ABCD2: variants seen among roughly 807,000 people sequenced by gnomAD.
ABCD2 encodes ATP-binding cassette sub-family D member 2.
A neutral mutation model predicts 70.9 loss-of-function variants in ABCD2; 36 were observed. The observed-to-expected ratio is 0.51, with a 90% CI of 0.39 to 0.67. ABCD2 has a LOEUF of 0.67. ABCD2 is among the 30% of genes least tolerant of loss of function. ABCD2 has a pLI of 0.00. For missense variants in ABCD2, 729 were observed against 890.2 expected, an observed-to-expected ratio of 0.82 and a Z score of 2.30; for synonymous variants, 304 against 306.9, an observed-to-expected ratio of 0.99 and a Z score of 0.10.
rs1232802588 is a variant in ABCD2 at position 39,551,306 on chromosome 12, C to T, written c.*2606G>A. ...ATAAACTTATAGCTTTTTGTTTGACCAAAAATATGTCAAACGTTTGGGCAA... is the reference window on the plus strand; with the variant it reads ...ATAAACTTATAGCTTTTTGTTTGACTAAAAATATGTCAAACGTTTGGGCAA... On this transcript the variant is annotated 3_prime_UTR_variant, in exon 10 of 10. Transcript: ENST00000308666. The T allele has an allele frequency of 2.0e-5, 3 of 151,488 alleles. No individual in the cohort carries two copies. The East Asian group carries it at 5.8e-4, about 29-fold the overall frequency. The allele number at this position is 151,488 out of a possible 1,614,324, so 9.4% of individuals were successfully genotyped here.
Position 39,619,627 on chromosome 12 carries a change from C to T in ABCD2, c.-12G>A, listed in dbSNP as rs545896129. The T allele has an allele frequency of 4.4e-6, 7 of 1,591,612 alleles. No individual in the cohort carries two copies. The East Asian group carries it at 1.3e-4, about 31-fold the overall frequency. On this transcript the variant is annotated 5_prime_UTR_variant, in exon 1 of 10. Transcript: ENST00000308666. ...AGCATATGTGTCATTTTCCCAGTTA[C>T]CCAAACCGGCTTCCAAAAGAATTCG...
intron 9 of ABCD2, among the ~76,000 whole-genome samples, chr12:39,572,255 A>C (rs2120589271): frequency 6.6e-6 from 1 of 152,308 alleles, no homozygotes; most frequent in South Asian, 2.1e-4. Flanking sequence ...CTCCAAGCCT[A>C]ATATGTCCCA....
chr12:39,532,087 G>C, the ABCD2 span, among the ~76,000 whole-genome samples: 1 of 152,206 alleles, frequency 6.6e-6, no homozygotes, highest in African/African-American at 2.4e-5. Flanking sequence ...TAGAAAGAAG[G>C]CATCAAAATG....
chr12:39,591,895 A>G (rs1941751464), intron 6 of ABCD2, among the ~76,000 whole-genome samples: 1 of 152,190 alleles, frequency 6.6e-6, no homozygotes, highest in Non-Finnish European at 1.5e-5. Flanking sequence ...AATAGTACTC[A>G]TAAAATGAGA....
In ABCD2 at chr12:39,552,119, G is replaced by A. The variant is rs1341808907; in HGVS notation, c.*1793C>T. On this transcript the variant is annotated 3_prime_UTR_variant, in exon 10 of 10. Coordinates refer to ENST00000308666, the MANE Select transcript of ABCD2 (RefSeq NM_005164.4). Reference sequence around the variant, plus strand: ...ATATTAGTAACTGATGAATAAGTAGGTGATAATACTAATGAAAACGTTGGA... The same window carrying A: ...ATATTAGTAACTGATGAATAAGTAGATGATAATACTAATGAAAACGTTGGA... 6.6e-6 allele frequency: 1 copy of A among 151,814 alleles called. No individual in the cohort carries two copies. Among genetic ancestry groups the A allele is most frequent in the East Asian group, 1.9e-4 (1 of 5,194 alleles). The allele number at this position is 151,814 out of a possible 1,614,324, so 9.4% of individuals were successfully genotyped here. A position where few individuals can be genotyped will look rare whatever the true frequency, so the allele number is the denominator to read the frequency against.
rs1247945421 is a variant in ABCD2, at chr12:39,552,496, T to C, written c.*1416A>G. 1 of 151,958 alleles carries C rather than the reference T, an allele frequency of 6.6e-6. No individual in the cohort carries two copies. The highest frequency in any genetic ancestry group is 1.5e-5 in the Non-Finnish European group (1 of 67,842). 9.4% of individuals were successfully genotyped at this position (151,958 alleles called of 1,614,324 possible). A position where few individuals can be genotyped will look rare whatever the true frequency, so the allele number is the denominator to read the frequency against. On this transcript the variant is annotated 3_prime_UTR_variant, in exon 10 of 10. Transcript: ENST00000308666. ...CAGTGCACACAAATAGAATAAAATCTATTTCATATGACTAGTCCATATAGA... is the reference window on the plus strand; with the variant it reads ...CAGTGCACACAAATAGAATAAAATCCATTTCATATGACTAGTCCATATAGA...
chr12:39,540,814 C>T, the ABCD2 span, among the ~76,000 whole-genome samples: 1 of 152,148 alleles, frequency 6.6e-6, no homozygotes, highest in Admixed American at 6.5e-5. Flanking sequence ...TTGAATTGTC[C>T]CACCTTTCTG....
At chr12:39,567,286 G>A (rs1440815727) in intron 9 of ABCD2, among the ~76,000 whole-genome samples, 1 of 152,080 alleles carries the variant, frequency 6.6e-6, no homozygotes, top group African/African-American at 2.4e-5. Context: ...CTAGGTCTCT[G>A]AGGACTTGCT....
downstream of ABCD2, among the ~76,000 whole-genome samples, chr12:39,545,517 G>A (rs146232120): frequency 6.9e-3 from 1,051 of 152,202 alleles, 7 homozygotes; most frequent in South Asian, 0.025. Flanking sequence ...ACAGAGGCAG[G>A]ACCCCACCAA....
At chr12:39,548,461 C>G (rs780402159), downstream of ABCD2, among the ~76,000 whole-genome samples, 1 of 151,966 alleles carries the variant, frequency 6.6e-6, no homozygotes, top group Non-Finnish European at 1.5e-5. Flanking sequence ...AAACAATGAG[C>G]TAGCCTAAAA....
At chr12:39,557,321 C>G (rs1055455983) in intron 9 of ABCD2, among the ~76,000 whole-genome samples, 2 of 152,142 alleles carry the variant, frequency 1.3e-5, no homozygotes, top group Non-Finnish European at 2.9e-5. Context: ...GAAGAAATTT[C>G]TAAGCAGCAA....
the ABCD2 span, among the ~76,000 whole-genome samples, chr12:39,538,786 C>A: frequency 6.6e-6 from 1 of 152,134 alleles, no homozygotes; most frequent in Non-Finnish European, 1.5e-5. Context: ...GGAAGAGAGC[C>A]GGCGGGAAGA....
At chr12:39,549,593 A>G (rs1354768697), downstream of ABCD2, among the ~76,000 whole-genome samples, 1 of 151,936 alleles carries the variant, frequency 6.6e-6, no homozygotes, top group Non-Finnish European at 1.5e-5. Flanking sequence ...ATAATTTAAA[A>G]TAAAAAAAAT....
rs1455892277 is a variant in ABCD2, at chr12:39,550,123, G to A, written c.*3789C>T. On this transcript the variant is annotated 3_prime_UTR_variant, in exon 10 of 10. Transcript: ENST00000308666. Reference sequence around the variant, plus strand: ...TTATTAAATGTGTTGTATTAATAAAGAAAATTAATATTTAAATAACTATTT... The same window carrying A: ...TTATTAAATGTGTTGTATTAATAAAAAAAATTAATATTTAAATAACTATTT... 2 of 151,582 alleles carry A rather than the reference G, an allele frequency of 1.3e-5. No homozygotes were observed. Among genetic ancestry groups the A allele is most frequent in the Non-Finnish European group, 3.0e-5 (2 of 67,676 alleles). The allele number at this position is 151,582 out of a possible 1,614,324, so 9.4% of individuals were successfully genotyped here. A position where few individuals can be genotyped will look rare whatever the true frequency, so the allele number is the denominator to read the frequency against.
Position 39,617,061 on chromosome 12 carries a change from C to T in ABCD2, c.1047G>A (p.Lys349=), listed in dbSNP as rs61736446. The change falls in exon 2 of 10, where the codon AAG becomes AAA. Residue 349 remains lysine (K), a synonymous_variant. Transcript: ENST00000308666. ...TTAGTCCACTGCTGCTCCAAACATA[C>T]TTCATCAGGAACTGTTCTATCATGA... ...WYIMIEQFLM[K]YVWSSSGLIM... 75,266 of 1,611,786 alleles carry T rather than the reference C, an allele frequency of 0.047. 2,035 individuals are homozygous for T. The highest frequency in any genetic ancestry group is 0.053 in the Non-Finnish European group (62,612 of 1,178,686).
intron 2 of ABCD2, among the ~76,000 whole-genome samples, chr12:39,612,856 A>G (rs1304727986): frequency 1.3e-5 from 2 of 152,184 alleles, no homozygotes; most frequent in African/African-American, 2.4e-5. Flanking sequence ...AGCATCACCC[A>G]TGCTACTGGA....
intron 9 of ABCD2, among the ~76,000 whole-genome samples, chr12:39,569,353 C>T (rs772382864): frequency 5.9e-5 from 9 of 152,206 alleles, no homozygotes; most frequent in South Asian, 2.1e-4. Context: ...GCCTTGCTGC[C>T]GTCTTGCAGT....
At chr12:39,572,499 A>T (rs776568262) in intron 9 of ABCD2, among the ~76,000 whole-genome samples, 20 of 152,204 alleles carry the variant, frequency 1.3e-4, no homozygotes, top group Admixed American at 1.3e-3. Flanking sequence ...TATATTTTTT[A>T]AAAATTCTGA....
At chr12:39,560,880 T>C (rs546736485) in intron 9 of ABCD2, among the ~76,000 whole-genome samples, 13 of 152,208 alleles carry the variant, frequency 8.5e-5, no homozygotes, top group African/African-American at 2.6e-4. Context: ...TCATGGTAAC[T>C]ACAGAGCAAA....
Sources: gnomAD v4.1 joint callset for allele counts (sites outside exome capture counted in the v4.1 genomes callset) on GRCh38, gnomAD v4.1.1 for gene constraint, MANE v1.5 for transcripts, NCBI Gene and HGNC (gene_info 2026-07-23, HGNC 2026-07-21) for gene names.